Variants in PATJ observed in about 807,000 individuals in gnomAD.
PATJ encodes the protein inaD-like protein.
Under a neutral mutation model 224.9 loss-of-function variants are expected in PATJ, and 190 were observed. The observed-to-expected ratio is 0.84, with a 90% CI of 0.75 to 0.95. PATJ has a LOEUF of 0.95. PATJ is among the 40% of genes least tolerant of loss of function. The pLI, the probability that PATJ is intolerant of heterozygous loss-of-function variation, is 0.00. For synonymous variants in PATJ, 769 were observed against 820.3 expected, an observed-to-expected ratio of 0.94 and a Z score of 1.07; for missense variants, 2,121 against 2,270.3, an observed-to-expected ratio of 0.93 and a Z score of 1.34.
intron 21 of PATJ, among the ~76,000 whole-genome samples, chr1:61,879,416 C>A (rs1478337618): frequency 1.3e-5 from 2 of 152,172 alleles, no homozygotes; most frequent in African/African-American, 4.8e-5. Context: ...AGAATGAAGG[C>A]CTCCATCAAA....
chr1:62,111,048 A>C (rs1190654164), intron 34 of PATJ, among the ~76,000 whole-genome samples: 3 of 152,244 alleles, frequency 2.0e-5, no homozygotes, highest in South Asian at 2.1e-4. Flanking sequence ...AATGGAAACC[A>C]TGAACTTAGA....
intron 41 of PATJ, among the ~76,000 whole-genome samples, chr1:62,132,807 G>C (rs958024726): frequency 2.0e-5 from 3 of 151,968 alleles, no homozygotes; most frequent in Non-Finnish European, 2.9e-5. Flanking sequence ...GCGAGGCTGG[G>C]GTGGGAGGAT....
chr1:61,909,222 T>C (rs1394752938), intron 25 of PATJ, among the ~76,000 whole-genome samples: 2 of 152,132 alleles, frequency 1.3e-5, no homozygotes, highest in Non-Finnish European at 2.9e-5. Flanking sequence ...TCAAGTGATC[T>C]GCGCACCTTG....
At chr1:61,831,790 A>G (rs1205100163) in intron 16 of PATJ, among the ~76,000 whole-genome samples, 3 of 152,236 alleles carry the variant, frequency 2.0e-5, no homozygotes, top group Non-Finnish European at 4.4e-5. Context: ...AGAGAACTTA[A>G]AACAGAACTA....
At chr1:61,869,263 C>A (rs548644334) in intron 20 of PATJ, among the ~76,000 whole-genome samples, 2 of 150,644 alleles carry the variant, frequency 1.3e-5, no homozygotes, top group Non-Finnish European at 3.0e-5. Flanking sequence ...CCCGCCACTA[C>A]GCCCGGCTAA....
chr1:61,859,911 C>A lies in PATJ; in HGVS notation c.2323-1640C>A, dbSNP rs572407643. On this transcript the variant is annotated intron_variant, in intron 18 of 43. Transcript: ENST00000642238. ...CTGGGATTACAGGTGTGAGCCACTG[C>A]GCCTGGCCTAATTAAGTAATGTTTA... 1.4e-4 allele frequency among the ~76,000 whole-genome samples: 21 copies of A among 152,204 alleles called. 1 individual carries two copies. The South Asian group carries it at 4.4e-3, about 32-fold the overall frequency.
intron 41 of PATJ, among the ~76,000 whole-genome samples, chr1:62,141,801 T>G (rs1467799333): frequency 2.0e-5 from 3 of 152,026 alleles, no homozygotes; most frequent in Admixed American, 6.6e-5. Context: ...AAACCCCATC[T>G]CTACTAAAAA....
chr1:61,844,499 C>T (rs996243272), intron 17 of PATJ, among the ~76,000 whole-genome samples: 2 of 152,148 alleles, frequency 1.3e-5, no homozygotes, highest in African/African-American at 4.8e-5. Flanking sequence ...GCATCAATTA[C>T]CCACTGTCAA....
At chr1:62,106,757 A>G (rs1285618436) in intron 33 of PATJ, among the ~76,000 whole-genome samples, 4 of 152,012 alleles carry the variant, frequency 2.6e-5, no homozygotes, top group Non-Finnish European at 5.9e-5. Context: ...CATCAAGCCT[A>G]TTCTTGGCCA....
chr1:61,753,883 A>C (rs1334598170), intron 1 of PATJ, among the ~76,000 whole-genome samples: 1 of 150,650 alleles, frequency 6.6e-6, no homozygotes, highest in East Asian at 1.9e-4. Context: ...TAAATAAAAT[A>C]AATATAAAAT....
intron 1 of PATJ, among the ~76,000 whole-genome samples, chr1:61,756,715 A>G (rs761239177): frequency 4.7e-4 from 72 of 151,764 alleles, no homozygotes; most frequent in Non-Finnish European, 1.8e-4. Flanking sequence ...AGTAACTGGG[A>G]CAACAGGCGT....
At chr1:62,148,222 C>A in intron 41 of PATJ, 62 bp from the exon 42 acceptor site, 2 of 1,095,466 alleles carry the variant, frequency 1.8e-6, no homozygotes, top group Admixed American at 1.7e-5. Flanking sequence ...TTGGATACAG[C>A]ATGGTTTCTC....
At chr1:61,948,493 G>A (rs964991632) in intron 27 of PATJ, among the ~76,000 whole-genome samples, 2 of 152,158 alleles carry the variant, frequency 1.3e-5, no homozygotes, top group African/African-American at 4.8e-5. Flanking sequence ...TCAGAGAAAT[G>A]CAAATCAAAA....
Position 62,086,797 on chromosome 1 carries a change from C to T in PATJ, c.4377+2149C>T, listed in dbSNP as rs1323435038. 6.6e-6 allele frequency among the ~76,000 whole-genome samples: 1 copy of T among 152,162 alleles called. No individual in the cohort carries two copies. The highest frequency in any genetic ancestry group is 1.5e-5 in the Non-Finnish European group (1 of 68,040). ...TACTGTTTACTTGGAGCGCCTCGCTCAGCCTGTTGTAGGATGGAGTTCATG... is the reference window on the plus strand; with the variant it reads ...TACTGTTTACTTGGAGCGCCTCGCTTAGCCTGTTGTAGGATGGAGTTCATG... On this transcript the variant is annotated intron_variant, in intron 33 of 43. Coordinates refer to ENST00000642238, the MANE Select transcript of PATJ (RefSeq NM_001350145.3). The surrounding 1 kb of genome is among the most constrained non-coding windows in gnomAD (Gnocchi z 4.0).
At chr1:61,927,657 A>G (rs1018108461) in intron 26 of PATJ, 73 bp from the exon 27 acceptor site, 23 of 930,886 alleles carry the variant, frequency 2.5e-5, no homozygotes, top group African/African-American at 6.7e-5. Context: ...CTATCTTTTT[A>G]TGCTTTTTGT....
intron 14 of PATJ, among the ~76,000 whole-genome samples, chr1:61,812,433 A>AGAGT (rs1397549346): frequency 8.9e-4 from 76 of 85,194 alleles, no homozygotes; most frequent in African/African-American, 2.9e-3. Flanking sequence ...AGAGAGAGAG[A>AGAGT]GTGTGTGTGT....
chr1:61,810,858 A>G (rs1001952346), intron 14 of PATJ, among the ~76,000 whole-genome samples: 17 of 151,974 alleles, frequency 1.1e-4, no homozygotes, highest in African/African-American at 3.9e-4. Context: ...CGGGAGGCGG[A>G]TGTTGCAATG....
At chr1:61,979,656 G>A (rs375660273) in intron 27 of PATJ, among the ~76,000 whole-genome samples, 1,049 of 136,536 alleles carry the variant, frequency 7.7e-3, no homozygotes, top group Non-Finnish European at 9.2e-3. Context: ...CGTCTCAAAA[G>A]AAAAAAAAAA....
At chr1:61,868,846 TCTC>T (rs1301600960) in intron 20 of PATJ, among the ~76,000 whole-genome samples, 1 of 152,014 alleles carries the variant, frequency 6.6e-6, no homozygotes, top group African/African-American at 2.4e-5. Flanking sequence ...AGAAAAAACT[TCTC>T]CTCTACCCTC....
Sources: gnomAD v4.1 joint callset for allele counts (sites outside exome capture counted in the v4.1 genomes callset) on GRCh38, gnomAD v4.1.1 for gene constraint, Gnocchi (gnomAD v3.1) non-coding constraint, MANE v1.5 for transcripts, NCBI Gene and HGNC (gene_info 2026-07-23, HGNC 2026-07-21) for gene names.